COL25A1: variants seen among roughly 807,000 people sequenced by gnomAD.
The protein encoded by COL25A1 is collagen alpha-1(XXV) chain.
Under a neutral mutation model 128.4 loss-of-function variants are expected in COL25A1, and 103 were observed. That is an observed-to-expected ratio of 0.80 (90% CI 0.68 to 0.94). COL25A1 has a LOEUF of 0.94. COL25A1 is among the 40% of genes least tolerant of loss of function. The pLI is 0.00. For synonymous variants in COL25A1, 279 were observed against 277.2 expected (o/e 1.01, Z -0.06); for missense variants, 745 against 840.0 (o/e 0.89, Z 1.40).
chr4:109,113,901 C>T (rs1579409640), intron 3 of COL25A1, among the ~76,000 whole-genome samples: 1 of 152,036 alleles, frequency 6.6e-6, no homozygotes, highest in East Asian at 1.9e-4. Context: ...CCCTAAGTGT[C>T]CAGTTCCTCA....
At chr4:109,122,121 G>A (rs1235403029) in intron 3 of COL25A1, among the ~76,000 whole-genome samples, 10 of 152,094 alleles carry the variant, frequency 6.6e-5, no homozygotes, top group Admixed American at 3.9e-4. Flanking sequence ...AGGGTTAGAG[G>A]AGAGGGAGGG....
At chr4:108,862,345 ATAGGG>A (rs1737334237) in intron 22 of COL25A1, among the ~76,000 whole-genome samples, 151 bp downstream of exon 22, 3 of 152,246 alleles carry the variant, frequency 2.0e-5, no homozygotes, top group Admixed American at 1.3e-4. Context: ...AGATATCATC[ATAGGG>A]ATACTGCAAT....
chr4:109,193,113 G>T (rs1214448195), intron 3 of COL25A1, among the ~76,000 whole-genome samples: 1 of 152,096 alleles, frequency 6.6e-6, no homozygotes, highest in Non-Finnish European at 1.5e-5. Flanking sequence ...TGTAATACAG[G>T]AATGGACAGA....
At chr4:109,251,732 A>G (rs1353378182) in intron 3 of COL25A1, among the ~76,000 whole-genome samples, 2 of 152,218 alleles carry the variant, frequency 1.3e-5, no homozygotes, top group Non-Finnish European at 2.9e-5. Context: ...TGGGAACAGG[A>G]AGCAAAAATT....
chr4:109,126,809 C>A (rs1768662069), intron 3 of COL25A1, among the ~76,000 whole-genome samples: 1 of 151,534 alleles, frequency 6.6e-6, no homozygotes, highest in South Asian at 2.1e-4. Flanking sequence ...ATTTTGAAGA[C>A]CTACGAGTTA....
chr4:109,268,776 C>T lies in COL25A1; in HGVS notation c.367+31807G>A, dbSNP rs1229186973. On this transcript the variant is annotated intron_variant, in intron 3 of 37. Coordinates refer to ENST00000399132, the MANE Select transcript of COL25A1 (RefSeq NM_198721.4). ...AGCTAGCCCCAACGGTGTGAGCTGGCTCAACAGAAGAACAAGCTGCCTAGC... is the reference window on the plus strand; with the variant it reads ...AGCTAGCCCCAACGGTGTGAGCTGGTTCAACAGAAGAACAAGCTGCCTAGC... Among the ~76,000 whole-genome samples the T allele has an allele frequency of 3.3e-5, 5 of 152,200 alleles. No homozygotes were observed. The East Asian group carries it at 9.7e-4, about 29-fold the overall frequency.
chr4:108,931,729 G>A (rs911448364), intron 11 of COL25A1, among the ~76,000 whole-genome samples: 21 of 152,150 alleles, frequency 1.4e-4, no homozygotes, highest in African/African-American at 4.8e-4. Flanking sequence ...TCTATGGCAG[G>A]ACTCCCTGGA....
intron 30 of COL25A1, 143 bp downstream of exon 30, chr4:108,844,376 T>A: frequency 1.1e-5 from 15 of 1,411,316 alleles, no homozygotes; most frequent in Non-Finnish European, 1.5e-5. Flanking sequence ...AGTTAATATA[T>A]CTCAAAGCAC....
At position 109,302,319 on chromosome 4, in the gene COL25A1, A is replaced by C; in HGVS notation, c.-207T>G. Reference sequence around the variant, plus strand: ...GAAACCCACCCAGACAGCTCTTCCGACTCCCAGAGGACCGACACCTCTTTC... The same window carrying C: ...GAAACCCACCCAGACAGCTCTTCCGCCTCCCAGAGGACCGACACCTCTTTC... On this transcript the variant is annotated 5_prime_UTR_variant, in exon 1 of 38. Transcript: ENST00000399132. 1 of 358,594 alleles carries C rather than the reference A, an allele frequency of 2.8e-6. No individual in the cohort carries two copies. Among genetic ancestry groups the C allele is most frequent in the Non-Finnish European group, 5.0e-6 (1 of 199,114 alleles). The allele number at this position is 358,594 out of a possible 1,614,324, so 22.2% of individuals were successfully genotyped here.
At chr4:108,940,426 C>T (rs1747946598) in intron 10 of COL25A1, 113 bp downstream of exon 10, 2 of 844,758 alleles carry the variant, frequency 2.4e-6, no homozygotes, top group African/African-American at 1.6e-5. Context: ...TCAACCCACT[C>T]CACTCACTTG....
chr4:109,148,930 T>C (rs1771206875), intron 3 of COL25A1, among the ~76,000 whole-genome samples: 1 of 152,140 alleles, frequency 6.6e-6, no homozygotes, highest in Non-Finnish European at 1.5e-5. Context: ...TTCTTTCTCC[T>C]CTCTCTATCT....
At chr4:109,074,224 CTGAT>C (rs1763215591) in intron 3 of COL25A1, among the ~76,000 whole-genome samples, 1 of 152,204 alleles carries the variant, frequency 6.6e-6, no homozygotes, top group Admixed American at 6.5e-5. Context: ...CACTCACCCA[CTGAT>C]TGCCTTCTGC....
intron 19 of COL25A1, among the ~76,000 whole-genome samples, chr4:108,878,669 G>A (rs1739743074): frequency 6.6e-6 from 1 of 152,080 alleles, no homozygotes; most frequent in Non-Finnish European, 1.5e-5. Flanking sequence ...AAACATCTTG[G>A]TGGCACTGAT....
intron 22 of COL25A1, among the ~76,000 whole-genome samples, chr4:108,861,177 T>C (rs927609443): frequency 1.3e-5 from 2 of 152,194 alleles, no homozygotes; most frequent in Non-Finnish European, 2.9e-5. Flanking sequence ...AAACTCCCTT[T>C]TCAGGTAATA....
chr4:109,068,623 G>C (rs1487751802), intron 3 of COL25A1, among the ~76,000 whole-genome samples: 1 of 152,074 alleles, frequency 6.6e-6, no homozygotes, highest in Non-Finnish European at 1.5e-5. Context: ...CAAATGAAAA[G>C]ATAATATGTT....
intron 3 of COL25A1, among the ~76,000 whole-genome samples, chr4:109,103,331 T>C (rs1485724888): frequency 6.7e-6 from 1 of 148,620 alleles, no homozygotes; most frequent in Non-Finnish European, 1.5e-5. Flanking sequence ...TCTAGACAAA[T>C]TCAGTGAGAC....
chr4:109,189,799 T>A (rs1775443450), intron 3 of COL25A1, among the ~76,000 whole-genome samples: 1 of 152,152 alleles, frequency 6.6e-6, no homozygotes, highest in Admixed American at 6.6e-5. Flanking sequence ...CTGAATAACT[T>A]GTAATTGTCT....
chr4:109,197,328 G>GTA (rs535120940), intron 3 of COL25A1, among the ~76,000 whole-genome samples: 471 of 128,042 alleles, frequency 3.7e-3, no homozygotes, highest in African/African-American at 0.011. Context: ...CCTGTCTCAA[G>GTA]TATATATATA....
rs1026364470 is a variant in COL25A1 at position 108,831,024 on chromosome 4, T to C, written c.1710+1356A>G. Among the ~76,000 whole-genome samples the C allele has an allele frequency of 7.2e-5, 11 of 152,392 alleles. No individual in the cohort carries two copies. The East Asian group carries it at 1.7e-3, about 24-fold the overall frequency. ...AACTCATCTCTTTCTACAAGCATTC[T>C]TGGATAAAGCCAATCTTCATCACTG... On this transcript the variant is annotated intron_variant, in intron 32 of 37. Coordinates refer to ENST00000399132, the MANE Select transcript of COL25A1 (RefSeq NM_198721.4).
Sources: allele counts gnomAD v4.1 joint callset (sites outside exome capture counted in the v4.1 genomes callset), GRCh38; gene constraint gnomAD v4.1.1; transcripts MANE v1.5; gene names NCBI Gene and HGNC (gene_info 2026-07-23, HGNC 2026-07-21).